The following RBKS variants were observed in gnomAD, a reference collection of about 807,000 sequenced individuals.
The protein encoded by RBKS is ribokinase.
RBKS carries 33 observed loss-of-function variants against 33.9 expected under a neutral mutation model. That is an observed-to-expected ratio of 0.97 (90% CI 0.74 to 1.30). The LOEUF (loss-of-function observed/expected upper bound fraction) is 1.30, where lower values mean the gene tolerates loss of function less well. Among genes scored for constraint, RBKS ranks in the 50% most tolerant of loss-of-function variants. The probability of loss-of-function intolerance (pLI) is 0.00; values close to 1 mark genes in which losing one functional copy is unlikely to be tolerated. For missense variants in RBKS, 361 were observed against 392.6 expected, an observed-to-expected ratio of 0.92 and a Z score of 0.68; for synonymous variants, 125 against 143.0, an observed-to-expected ratio of 0.87 and a Z score of 0.90.
rs1434290673 is a variant in RBKS, at chr2:27,837,064, G to A, written c.515-4287C>T. Among the ~76,000 whole-genome samples the A allele has an allele frequency of 2.6e-5, 4 of 152,036 alleles. No individual in the cohort carries two copies. ...GAGGCAGGCAGATCACGAGGATCGGGAGATTAAGATCATCCTGGCTAACAC... is the reference window on the plus strand; with the variant it reads ...GAGGCAGGCAGATCACGAGGATCGGAAGATTAAGATCATCCTGGCTAACAC... On this transcript the variant is annotated intron_variant, in intron 5 of 7. Transcript: ENST00000302188. This position sits in a 1 kb window ranked among gnomAD's most constrained non-coding sequence, Gnocchi z 4.0.
Position 27,812,964 on chromosome 2 carries a change from G to A in RBKS, c.795+14603C>T, listed in dbSNP as rs935077705. The stretch of plus-strand genomic sequence containing the variant: ...AAGAACAGATCATCTAAAATATGTA[G>A]TTTTATATGCTGTAGTACATTTTAA... On this transcript the variant is annotated intron_variant, in intron 7 of 7. Transcript: ENST00000302188. Among the ~76,000 whole-genome samples the A allele has an allele frequency of 4.0e-5, 6 of 151,210 alleles. No individual in the cohort carries two copies. In the South Asian group the frequency reaches 6.2e-4, roughly 16 times the overall value.
intron 1 of RBKS, among the ~76,000 whole-genome samples, chr2:27,872,610 A>C (rs1664237747): frequency 6.6e-6 from 1 of 152,242 alleles, no homozygotes; most frequent in Non-Finnish European, 1.5e-5. Context: ...AAGGGAGAAA[A>C]AAGGTTAAAC....
intron 1 of RBKS, among the ~76,000 whole-genome samples, chr2:27,859,925 C>A (rs1663939106): frequency 6.6e-6 from 1 of 152,170 alleles, no homozygotes; most frequent in Non-Finnish European, 1.5e-5. Flanking sequence ...GCTAAGAACA[C>A]ACGATTGCTT....
At chr2:27,786,932 G>A (rs1677416629) in intron 7 of RBKS, among the ~76,000 whole-genome samples, 1 of 152,218 alleles carries the variant, frequency 6.6e-6, no homozygotes, top group Non-Finnish European at 1.5e-5. Context: ...TATTTAGGCA[G>A]CAACGATTCT....
intron 1 of RBKS, among the ~76,000 whole-genome samples, chr2:27,881,180 T>A (rs1194786704): frequency 6.6e-6 from 1 of 152,104 alleles, no homozygotes; most frequent in African/African-American, 2.4e-5. Flanking sequence ...GCCTGGAAGT[T>A]GAGGCTGCAG....
chr2:27,803,157 A>G (rs1297105601), intron 7 of RBKS, among the ~76,000 whole-genome samples: 2 of 152,102 alleles, frequency 1.3e-5, no homozygotes, highest in Non-Finnish European at 2.9e-5. Flanking sequence ...AACTTCTCTT[A>G]TCAGTGCATA....
intron 1 of RBKS, among the ~76,000 whole-genome samples, chr2:27,882,207 C>CTTTT (rs1664430893): frequency 6.6e-6 from 1 of 151,834 alleles, no homozygotes. Context: ...CTAAAAGGAA[C>CTTTT]TTAAACAAAT....
chr2:27,890,141 C>CTGGAGGGATAG lies in RBKS; in HGVS notation c.89+115_89+116insCTATCCCTCCA. ...GCTTCGAAAACCTGCAGCTCATACCCAAAGCTAGCACTGTCTATCCCTGGA... is the reference window on the plus strand; with the variant it reads ...GCTTCGAAAACCTGCAGCTCATACCCTGGAGGGATAGAAAGCTAGCACTGTCTATCCCTGGA... On this transcript the variant is annotated intron_variant, in intron 1 of 7. Transcript: ENST00000302188. The surrounding 1 kb of genome is among the most constrained non-coding windows in gnomAD (Gnocchi z 4.8). 2.2e-6 allele frequency: 2 copies of CTGGAGGGATAG among 894,984 alleles called. No individual in the cohort carries two copies. The highest frequency in any genetic ancestry group is 3.4e-6 in the Non-Finnish European group (2 of 584,618). 55.4% of individuals were successfully genotyped at this position (894,984 alleles called of 1,614,324 possible).
chr2:27,811,468 G>A (rs1006431908), intron 7 of RBKS, among the ~76,000 whole-genome samples: 1 of 152,140 alleles, frequency 6.6e-6, no homozygotes, highest in South Asian at 2.1e-4. Context: ...TTAAGGAACT[G>A]TTTTCAGTTC....
intron 7 of RBKS, among the ~76,000 whole-genome samples, chr2:27,815,971 C>T (rs1040972999): frequency 3.9e-5 from 6 of 152,194 alleles, no homozygotes; most frequent in African/African-American, 9.7e-5. Flanking sequence ...AGTCCCTGGC[C>T]GTATTTGAGT....
chr2:27,879,388 A>C (rs1348519142), intron 1 of RBKS, among the ~76,000 whole-genome samples: 2 of 152,066 alleles, frequency 1.3e-5, no homozygotes, highest in East Asian at 3.9e-4. Flanking sequence ...TTTTAAGTGG[A>C]GTTTAGGTCA....
intron 1 of RBKS, among the ~76,000 whole-genome samples, chr2:27,889,775 T>C (rs1664670521): frequency 6.6e-6 from 1 of 152,202 alleles, no homozygotes. Flanking sequence ...TCTGCTCAAC[T>C]CATTATTTTA....
chr2:27,821,291 T>C (rs1678201287), intron 7 of RBKS, among the ~76,000 whole-genome samples: 1 of 152,166 alleles, frequency 6.6e-6, no homozygotes, highest in South Asian at 2.1e-4. Context: ...TTTATTTTTT[T>C]CGTATTTCTT....
intron 7 of RBKS, among the ~76,000 whole-genome samples, chr2:27,815,357 G>A (rs1438402835): frequency 1.3e-5 from 2 of 152,104 alleles, no homozygotes; most frequent in Non-Finnish European, 2.9e-5. Context: ...ACAGACGTGT[G>A]CCACCATGCT....
chr2:27,844,026 C>T (rs1039550699), intron 4 of RBKS, among the ~76,000 whole-genome samples: 3 of 151,832 alleles, frequency 2.0e-5, no homozygotes, highest in African/African-American at 4.8e-5. Context: ...TTTGGGAGGC[C>T]GAGGTGGGCA....
intron 7 of RBKS, among the ~76,000 whole-genome samples, chr2:27,822,366 C>T (rs992713707): frequency 6.6e-6 from 1 of 152,112 alleles, no homozygotes; most frequent in Non-Finnish European, 1.5e-5. Context: ...AAAGGTCACA[C>T]CAAGTTGGGA....
intron 7 of RBKS, among the ~76,000 whole-genome samples, chr2:27,799,421 C>T (rs151323609): frequency 9.2e-5 from 14 of 152,284 alleles, no homozygotes; most frequent in African/African-American, 2.2e-4. Flanking sequence ...CATTCCTCCC[C>T]GATGTCTTCA....
At chr2:27,822,900 T>C (rs1678239362) in intron 7 of RBKS, among the ~76,000 whole-genome samples, 1 of 152,356 alleles carries the variant, frequency 6.6e-6, no homozygotes, top group South Asian at 2.1e-4. Flanking sequence ...TTGAGAGTGT[T>C]ATTGTAGATT....
chr2:27,783,430 C>A (rs1052467517), intron 7 of RBKS, among the ~76,000 whole-genome samples: 2 of 152,194 alleles, frequency 1.3e-5, no homozygotes, highest in Non-Finnish European at 2.9e-5. Context: ...AATATAGGGA[C>A]ACATCAAGTT....
Sources: gnomAD v4.1 joint callset for allele counts (sites outside exome capture counted in the v4.1 genomes callset) on GRCh38, gnomAD v4.1.1 for gene constraint, Gnocchi (gnomAD v3.1) non-coding constraint, MANE v1.5 for transcripts, NCBI Gene and HGNC (gene_info 2026-07-23, HGNC 2026-07-21) for gene names.